The following COL4A2 variants were observed in gnomAD, a reference collection of about 807,000 sequenced individuals.
The protein encoded by COL4A2 is collagen type IV alpha 2 chain.
In COL4A2, 99 loss-of-function variants were observed where a neutral mutation model predicts 200.2. The ratio of observed to expected loss-of-function variants is 0.49; its 90% CI spans 0.42 to 0.58. The LOEUF is 0.58. Ranked by LOEUF, COL4A2 falls within the 20% of genes least tolerant of loss-of-function variation. The pLI is 0.00. For missense variants in COL4A2, 1,950 were observed against 2,314.1 expected (o/e 0.84, Z 3.23); for synonymous variants, 897 against 900.6 (o/e 1.00, Z 0.07).
At position 110,430,285 on chromosome 13, in the gene COL4A2, A is replaced by G; in HGVS notation, c.550-116A>G. The stretch of plus-strand genomic sequence containing the variant: ...TTAATATTAGTAAATTAACATTACT[A>G]GGTCCTGATAGGGCTGATCTGTTTG... On this transcript the variant is annotated intron_variant, in intron 8 of 47. Transcript: ENST00000360467. 3.1e-6 allele frequency: 4 copies of G among 1,277,544 alleles called. No individual in the cohort carries two copies. The South Asian group carries it at 6.9e-5, about 22-fold the overall frequency. 79.1% of individuals were successfully genotyped at this position (1,277,544 alleles called of 1,614,324 possible). A position where few individuals can be genotyped will look rare whatever the true frequency, so the allele number is the denominator to read the frequency against.
At chr13:110,379,087 G>A (rs2139408859) in intron 4 of COL4A2, among the ~76,000 whole-genome samples, 1 of 152,300 alleles carries the variant, frequency 6.6e-6, no homozygotes, top group South Asian at 2.1e-4. Flanking sequence ...CTGCTCTTAG[G>A]TGGCTGCACC....
At chr13:110,363,033 A>G (rs1345468030) in intron 4 of COL4A2, among the ~76,000 whole-genome samples, 1 of 152,234 alleles carries the variant, frequency 6.6e-6, no homozygotes, top group Non-Finnish European at 1.5e-5. Context: ...GCACTTGGGT[A>G]TTCCAGAAAC....
Position 110,438,354 on chromosome 13 carries a change from C to T in COL4A2, c.862-264C>T, listed in dbSNP as rs537363191. ...TGCCCTCCGTCCCCTCTGTCACTGC[C>T]TGTCCTCAGAGCTCCAGCTCTCCCT... On this transcript the variant is annotated intron_variant, in intron 14 of 47. Coordinates refer to ENST00000360467, the MANE Select transcript of COL4A2 (RefSeq NM_001846.4). 1.1e-4 allele frequency among the ~76,000 whole-genome samples: 16 copies of T among 152,374 alleles called. 2 individuals carry two copies. In the South Asian group the frequency reaches 3.3e-3, roughly 32 times the overall value.
chr13:110,372,615 TCTC>T (rs1176967217), intron 4 of COL4A2, among the ~76,000 whole-genome samples: 5 of 152,238 alleles, frequency 3.3e-5, no homozygotes, highest in African/African-American at 1.2e-4. Context: ...AAAGATCTCT[TCTC>T]CTGTTGCCAA....
At chr13:110,342,105 G>A (rs1375140732) in intron 3 of COL4A2, among the ~76,000 whole-genome samples, 12 of 152,024 alleles carry the variant, frequency 7.9e-5, no homozygotes, top group Non-Finnish European at 1.5e-4. Flanking sequence ...TACAAGATTC[G>A]GCATAGATGA....
chr13:110,381,742 C>G (rs1878501361), intron 4 of COL4A2, among the ~76,000 whole-genome samples: 1 of 152,198 alleles, frequency 6.6e-6, no homozygotes, highest in Non-Finnish European at 1.5e-5. Flanking sequence ...TCCTTTTTCA[C>G]TCCCTTTCAG....
intron 3 of COL4A2, among the ~76,000 whole-genome samples, chr13:110,319,395 CA>C (rs1885224721): frequency 6.6e-6 from 1 of 152,114 alleles, no homozygotes; most frequent in African/African-American, 2.4e-5. Flanking sequence ...CCATGAGATG[CA>C]AGTATAATTT....
intron 30 of COL4A2, 59 bp downstream of exon 30, chr13:110,478,223 G>C: frequency 7.0e-7 from 1 of 1,432,578 alleles, no homozygotes; most frequent in Non-Finnish European, 9.3e-7. Flanking sequence ...CCAAGAGAAT[G>C]AGCACTGTCT....
At chr13:110,310,921 C>T (rs761268917) in intron 3 of COL4A2, among the ~76,000 whole-genome samples, 11 of 152,218 alleles carry the variant, frequency 7.2e-5, no homozygotes, top group East Asian at 5.8e-4. Context: ...GCAGCCCTCG[C>T]CCAAGGTTCC....
intron 4 of COL4A2, among the ~76,000 whole-genome samples, chr13:110,358,184 GT>G (rs991701822): frequency 5.3e-5 from 8 of 151,742 alleles, no homozygotes; most frequent in Admixed American, 2.0e-4. Context: ...TTTATTCGAT[GT>G]TTTTTTCTAT....
chr13:110,317,717 G>A (rs1241480988), intron 3 of COL4A2, among the ~76,000 whole-genome samples: 1 of 152,206 alleles, frequency 6.6e-6, no homozygotes, highest in Non-Finnish European at 1.5e-5. Flanking sequence ...TCCAAGTCTG[G>A]CTTGAAACTC....
chr13:110,445,973 T>G (rs1881305379), intron 17 of COL4A2, 91 bp downstream of exon 17: 6 of 1,405,204 alleles, frequency 4.3e-6, no homozygotes, highest in Non-Finnish European at 6.0e-6. Flanking sequence ...TGTGGAGGCA[T>G]CCCCTGCCCT....
At chr13:110,432,016 G>A (rs1880698790) in intron 10 of COL4A2, among the ~76,000 whole-genome samples, 1 of 152,196 alleles carries the variant, frequency 6.6e-6, no homozygotes, top group South Asian at 2.1e-4. Flanking sequence ...CAGTCACAGG[G>A]CCTGGGACCT....
At chr13:110,432,930 A>G (rs530613739) in intron 11 of COL4A2, among the ~76,000 whole-genome samples, 4 of 152,386 alleles carry the variant, frequency 2.6e-5, no homozygotes, top group South Asian at 2.1e-4. Flanking sequence ...GGAGGACAGA[A>G]CTAGGGTTCC....
intron 4 of COL4A2, among the ~76,000 whole-genome samples, chr13:110,391,680 A>G (rs1279124626): frequency 4.6e-5 from 7 of 152,244 alleles, no homozygotes; most frequent in Admixed American, 4.6e-4. Flanking sequence ...TCTGCAAAAC[A>G]GAAGAGCAAC....
intron 3 of COL4A2, among the ~76,000 whole-genome samples, chr13:110,333,425 T>C (rs1191813283): frequency 6.6e-6 from 1 of 152,210 alleles, no homozygotes; most frequent in Admixed American, 6.5e-5. Flanking sequence ...TGCTGTGACA[T>C]TCAGAGGCAG....
At chr13:110,476,431 A>C (rs1267872679) in intron 29 of COL4A2, among the ~76,000 whole-genome samples, 1 of 152,198 alleles carries the variant, frequency 6.6e-6, no homozygotes, top group Non-Finnish European at 1.5e-5. Context: ...CTCGGCTTCG[A>C]GTGCGCCTCC....
chr13:110,333,679 G>A (rs1442913435), intron 3 of COL4A2, among the ~76,000 whole-genome samples: 2 of 152,184 alleles, frequency 1.3e-5, no homozygotes, highest in Non-Finnish European at 2.9e-5. Context: ...CCCCAATAAT[G>A]TACAACTTTT....
intron 29 of COL4A2, among the ~76,000 whole-genome samples, chr13:110,476,696 C>T (rs1253890501): frequency 6.6e-6 from 1 of 152,198 alleles, no homozygotes; most frequent in Non-Finnish European, 1.5e-5. Context: ...TGTTAATAAT[C>T]GGAGAGCAGC....
Sources: allele counts gnomAD v4.1 joint callset (sites outside exome capture counted in the v4.1 genomes callset), GRCh38; gene constraint gnomAD v4.1.1; transcripts MANE v1.5; gene names NCBI Gene and HGNC (gene_info 2026-07-23, HGNC 2026-07-21).